Variants in TRPV4 observed in about 807,000 individuals in gnomAD.
TRPV4 encodes the protein transient receptor potential cation channel subfamily V member 4, also known as OSM9-like transient receptor potential channel 4.
Under a neutral mutation model 84.1 loss-of-function variants are expected in TRPV4, and 58 were observed. The observed-to-expected ratio is 0.69, with a 90% CI of 0.56 to 0.86. The LOEUF (loss-of-function observed/expected upper bound fraction) is 0.86. Among genes scored for constraint, TRPV4 ranks in the 40% least tolerant of loss-of-function variants. The pLI is 0.00. For synonymous variants in TRPV4, 489 were observed against 500.9 expected (o/e 0.98, Z 0.32); for missense variants, 879 against 1,181.1 (o/e 0.74, Z 3.75).
chr12:109,821,914 T>C (rs750948206), intron 1 of TRPV4, among the ~76,000 whole-genome samples: 1 of 152,222 alleles, frequency 6.6e-6, no homozygotes, highest in Admixed American at 6.5e-5. Context: ...GTGTCCCCTG[T>C]GTCCCCAGCA....
chr12:109,794,555 G>T, intron 7 of TRPV4, 68 bp from the exon 8 acceptor site: 1 of 1,552,706 alleles, frequency 6.4e-7, no homozygotes, highest in South Asian at 1.1e-5. Flanking sequence ...AGGCTGCCTC[G>T]GGTGTGCCTT....
chr12:109,800,817 CTGGGGG>C, intron 4 of TRPV4, 59 bp from the exon 5 acceptor site: 13 of 916,986 alleles, frequency 1.4e-5, no homozygotes, highest in Non-Finnish European at 1.6e-5. Context: ...GCCAGGCTTG[CTGGGGG>C]TGGGGGTAGG....
At chr12:109,822,897 C>G (rs7971845) in intron 1 of TRPV4, among the ~76,000 whole-genome samples, 52,857 of 152,096 alleles carry the variant, frequency 0.35, 11,143 homozygotes, top group African/African-American at 0.57. Context: ...CTGTTGGAAT[C>G]ATCAGTATCA....
rs201917192 is a variant in TRPV4, at chr12:109,806,706, A to G, written c.559+1590T>C. On this transcript the variant is annotated intron_variant, in intron 3 of 15. Transcript: ENST00000261740. The stretch of plus-strand genomic sequence containing the variant: ...CTGTCTCTTAAAAAAAAAGAAAAAA[A>G]AAAATTTAGCCAGGCATGGTAGCTT... 2.2e-4 allele frequency among the ~76,000 whole-genome samples: 33 copies of G among 151,332 alleles called. No individual in the cohort carries two copies. The East Asian group carries it at 5.0e-3, about 23-fold the overall frequency.
chr12:109,786,712 G>A lies in TRPV4; in HGVS notation c.2334C>T (p.Phe778=), dbSNP rs775053199. ...TGGCCCCACTGCCCCAGCCTCACCTGAAGCACCACCTGCGGTCAGGAGTGC... is the reference window on the plus strand; with the variant it reads ...TGGCCCCACTGCCCCAGCCTCACCTAAAGCACCACCTGCGGTCAGGAGTGC... The part of the protein sequence containing the change: ...SDGTPDRRWC[F]RVDEVNWSHW... Residue 778 remains phenylalanine (F), a splice_region_variant and synonymous_variant, in exon 14 of 16, where the codon TTC becomes TTT. Coordinates refer to ENST00000261740, the MANE Select transcript of TRPV4 (RefSeq NM_021625.5). This position sits in a 1 kb window ranked among gnomAD's most constrained non-coding sequence, Gnocchi z 4.5. The A allele has an allele frequency of 2.3e-5, 37 of 1,613,746 alleles. No homozygotes were observed. The highest frequency in any genetic ancestry group is 3.1e-5 in the Non-Finnish European group (37 of 1,180,016).
rs1192368245 is a variant in TRPV4 at position 109,794,443 on chromosome 12, C to T, written c.1377G>A (p.Leu459=). Residue 459 remains leucine, a synonymous_variant, in exon 8 of 16, where the codon CTG becomes CTA. Transcript: ENST00000261740. ...MLAVEPINEL[L]RDKWRKFGAV... is the part of the protein sequence containing the mutation. ...CCCCGAACTTGCGCCACTTGTCCCG[C>T]AGCAGTTCATTGATGGGCTCCACAG... The T allele has an allele frequency of 1.2e-6, 2 of 1,613,964 alleles. No homozygotes were observed. Among genetic ancestry groups the T allele is most frequent in the African/African-American group, 2.7e-5 (2 of 74,918 alleles).
In TRPV4 at chr12:109,800,711, C is replaced by A. The variant is rs143548402; in HGVS notation, c.760G>T (p.Val254Leu). 3.1e-6 allele frequency: 5 copies of A among 1,614,130 alleles called. No individual in the cohort carries two copies. Among genetic ancestry groups the A allele is most frequent in the Non-Finnish European group, 3.4e-6 (4 of 1,180,038 alleles). ...IAIERRCKHY[V>L]ELLVAQGADV... ...GCTCCCTGGGCCACGAGAAGTTCCA[C>A]GTAGTGTTTGCAGCGACGCTCAATG... is the stretch of plus-strand genomic sequence containing the variant. The change falls in exon 5 of 16, where the codon GTG becomes TTG. Residue 254 changes from valine (V) to leucine (L), a missense_variant. By Grantham distance (32) the Val-to-Leu change is conservative. Coordinates refer to ENST00000261740, the MANE Select transcript of TRPV4 (RefSeq NM_021625.5).
In TRPV4 at chr12:109,783,353, A is replaced by C. The variant is rs1730571879; in HGVS notation, c.*268T>G. ...TGAGAGCAGAGCAAATAAATAATGGAGAGGCAGGGGCTGGGGCCTGAGGTG... is the reference window on the plus strand; with the variant it reads ...TGAGAGCAGAGCAAATAAATAATGGCGAGGCAGGGGCTGGGGCCTGAGGTG... On this transcript the variant is annotated 3_prime_UTR_variant, in exon 16 of 16. Transcript: ENST00000261740. This position sits in a 1 kb window ranked among gnomAD's most constrained non-coding sequence, Gnocchi z 4.6. The C allele has an allele frequency of 2.2e-6, 1 of 459,204 alleles. No individual in the cohort carries two copies. Among genetic ancestry groups the C allele is most frequent in the Non-Finnish European group, 3.9e-6 (1 of 258,828 alleles). The allele number at this position is 459,204 out of a possible 1,614,324, so 28.4% of individuals were successfully genotyped here. A position where few individuals can be genotyped will look rare whatever the true frequency, so the allele number is the denominator to read the frequency against.
chr12:109,786,633 A>G lies in TRPV4; in HGVS notation c.2336+77T>C. The G allele has an allele frequency of 6.3e-7, 1 of 1,586,902 alleles. No individual in the cohort carries two copies. On this transcript the variant is annotated intron_variant, in intron 14 of 15. Transcript: ENST00000261740. This position sits in a 1 kb window ranked among gnomAD's most constrained non-coding sequence, Gnocchi z 4.5. ...CTCCAGAAATTGCAATGGGTAGACG[A>G]CGCTGGAGCAGCAGGGGCCCCGAGC...
At chr12:109,803,726 T>C (rs1701005896) in intron 3 of TRPV4, among the ~76,000 whole-genome samples, 1 of 152,204 alleles carries the variant, frequency 6.6e-6, no homozygotes, top group Non-Finnish European at 1.5e-5. Flanking sequence ...CCCAAAGTGC[T>C]GGGATTACAG....
chr12:109,793,445 C>T lies in TRPV4; in HGVS notation c.1658+82G>A. The stretch of plus-strand genomic sequence containing the variant: ...GTGCATTCATTTCTAACAGAATCAC[C>T]TCTCTCCTGAATCTGGACGACCTAG... On this transcript the variant is annotated intron_variant, in intron 10 of 15. Coordinates refer to ENST00000261740, the MANE Select transcript of TRPV4 (RefSeq NM_021625.5). The surrounding 1 kb of genome is among the most constrained non-coding windows in gnomAD (Gnocchi z 4.0). The T allele has an allele frequency of 8.2e-7, 1 of 1,216,542 alleles. No individual in the cohort carries two copies. The allele number at this position is 1,216,542 out of a possible 1,614,324, so 75.4% of individuals were successfully genotyped here. A position where few individuals can be genotyped will look rare whatever the true frequency, so the allele number is the denominator to read the frequency against.
chr12:109,827,741 C>A (rs1892301934), intron 1 of TRPV4, among the ~76,000 whole-genome samples: 1 of 151,636 alleles, frequency 6.6e-6, no homozygotes, highest in Admixed American at 6.6e-5. Flanking sequence ...CACACATACA[C>A]ACAGACATAC....
At chr12:109,794,103 G>T in intron 8 of TRPV4, 81 bp from the exon 9 acceptor site, 1 of 1,284,360 alleles carries the variant, frequency 7.8e-7, no homozygotes, top group Non-Finnish European at 1.1e-6. Flanking sequence ...CCCCAGGCCC[G>T]AAACATCGGC....
intron 2 of TRPV4, among the ~76,000 whole-genome samples, chr12:109,812,361 T>C (rs941176035): frequency 6.6e-6 from 1 of 152,160 alleles, no homozygotes; most frequent in African/African-American, 2.4e-5. Flanking sequence ...GCTGTCATTA[T>C]GGGAAAGAAG....
rs532867188 is a variant in TRPV4 at position 109,814,098 on chromosome 12, G to A, written c.386+313C>T. On this transcript the variant is annotated intron_variant, in intron 2 of 15. Coordinates refer to ENST00000261740, the MANE Select transcript of TRPV4 (RefSeq NM_021625.5). This position sits in a 1 kb window ranked among gnomAD's most constrained non-coding sequence, Gnocchi z 5.4. ...ATATGGATGGAGAGATGAATGGATC[G>A]ATGGATAGATGTATGGATGGTTGGA... Among the ~76,000 whole-genome samples the A allele has an allele frequency of 5.3e-5, 8 of 152,048 alleles. No homozygotes were observed. Among genetic ancestry groups the A allele is most frequent in the African/African-American group, 1.4e-4 (6 of 41,448 alleles).
At chr12:109,829,625 G>A (rs1483374551) in intron 1 of TRPV4, among the ~76,000 whole-genome samples, 3 of 152,220 alleles carry the variant, frequency 2.0e-5, no homozygotes, top group Non-Finnish European at 4.4e-5. Flanking sequence ...GCTGACACGG[G>A]CTGAGGCAGA....
intron 3 of TRPV4, among the ~76,000 whole-genome samples, chr12:109,806,358 C>CTTTTT (rs60159775): frequency 4.0e-4 from 46 of 115,558 alleles, no homozygotes; most frequent in African/African-American, 1.5e-3. Flanking sequence ...CTAAGCCTGG[C>CTTTTT]TTTTTTTTTT....
chr12:109,793,829 C>T lies in TRPV4; in HGVS notation c.1584+101G>A, dbSNP rs549460191. The T allele has an allele frequency of 3.1e-6, 3 of 956,708 alleles. No individual in the cohort carries two copies. The South Asian group carries it at 4.2e-5, about 13-fold the overall frequency. The allele number at this position is 956,708 out of a possible 1,614,324, so 59.3% of individuals were successfully genotyped here. ...AAAAGGAGGAAGGAAAGGAGAAGGA[C>T]CATTTGGAGGAGAGAGAAGAGAAAA... On this transcript the variant is annotated intron_variant, in intron 9 of 15. Coordinates refer to ENST00000261740, the MANE Select transcript of TRPV4 (RefSeq NM_021625.5). This position sits in a 1 kb window ranked among gnomAD's most constrained non-coding sequence, Gnocchi z 4.0.
chr12:109,832,182 A>C (rs1892426695), intron 1 of TRPV4: 1 of 152,316 alleles, frequency 6.6e-6, no homozygotes, highest in Admixed American at 6.5e-5. Context: ...ACAGCAGGGG[A>C]CTGCAGAGCA....
Sources: gnomAD v4.1 joint callset for allele counts (sites outside exome capture counted in the v4.1 genomes callset) on GRCh38, gnomAD v4.1.1 for gene constraint, Gnocchi (gnomAD v3.1) non-coding constraint, MANE v1.5 for transcripts, NCBI Gene and HGNC (gene_info 2026-07-23, HGNC 2026-07-21) for gene names.